FBRSL1: variants seen among roughly 807,000 people sequenced by gnomAD.
FBRSL1 encodes fibrosin-1-like protein.
In FBRSL1, 51 loss-of-function variants were observed where a neutral mutation model predicts 89.6. That is an observed-to-expected ratio of 0.57 (90% CI 0.45 to 0.72). The LOEUF (loss-of-function observed/expected upper bound fraction) is 0.72. FBRSL1 is among the 30% of genes least tolerant of loss of function. The pLI is 0.00. For missense variants in FBRSL1, 1,618 were observed against 1,451.8 expected, an observed-to-expected ratio of 1.11 and a Z score of -1.86; for synonymous variants, 779 against 681.1, an observed-to-expected ratio of 1.14 and a Z score of -2.24.
At chr12:132,567,912 G>A (rs920812758) in intron 6 of FBRSL1, among the ~76,000 whole-genome samples, 2 of 152,182 alleles carry the variant, frequency 1.3e-5, no homozygotes, top group Admixed American at 1.3e-4. Flanking sequence ...CACTTCCCTG[G>A]CTCTGCTGCC....
intron 4 of FBRSL1, among the ~76,000 whole-genome samples, chr12:132,531,629 T>C (rs2036294580): frequency 6.6e-6 from 1 of 152,238 alleles, no homozygotes; most frequent in Non-Finnish European, 1.5e-5. Context: ...CATTGTGTTG[T>C]GCACATGGCG....
chr12:132,536,948 C>T (rs1327542020), intron 4 of FBRSL1, among the ~76,000 whole-genome samples: 1 of 152,208 alleles, frequency 6.6e-6, no homozygotes, highest in Non-Finnish European at 1.5e-5. Flanking sequence ...TTGTGCCATG[C>T]CTGTGTGGTA....
chr12:132,540,835 A>C (rs1343807540), intron 4 of FBRSL1, among the ~76,000 whole-genome samples: 7 of 152,146 alleles, frequency 4.6e-5, no homozygotes, highest in Non-Finnish European at 1.0e-4. Context: ...AGATCCCCAG[A>C]TCCCCAGCTC....
chr12:132,573,049 C>T (rs1392072085), intron 11 of FBRSL1, among the ~76,000 whole-genome samples: 3 of 152,182 alleles, frequency 2.0e-5, no homozygotes, highest in South Asian at 2.1e-4. Flanking sequence ...CTTACGGGGC[C>T]GTCCACACCC....
chr12:132,509,650 G>A (rs1279759969), intron 2 of FBRSL1: 19 of 1,231,818 alleles, frequency 1.5e-5, no homozygotes, highest in South Asian at 8.2e-5. Context: ...CGGCGCCTGC[G>A]GTTCCTCCTG....
intron 4 of FBRSL1, among the ~76,000 whole-genome samples, chr12:132,534,454 C>A (rs927951220): frequency 6.6e-6 from 1 of 152,278 alleles, no homozygotes; most frequent in African/African-American, 2.4e-5. Flanking sequence ...GCACCTGTCG[C>A]ACCCTCTGCC....
intron 2 of FBRSL1, among the ~76,000 whole-genome samples, chr12:132,522,845 G>A (rs185413918): frequency 9.8e-4 from 150 of 152,334 alleles, no homozygotes; most frequent in Non-Finnish European, 1.7e-3. Flanking sequence ...CCCGGCCTGC[G>A]CTGCCTTTCC....
At chr12:132,567,898 G>C (rs938190537) in intron 6 of FBRSL1, among the ~76,000 whole-genome samples, 1 of 152,230 alleles carries the variant, frequency 6.6e-6, no homozygotes, top group Non-Finnish European at 1.5e-5. Context: ...ACGGGACTGA[G>C]ACTCACTTCC....
chr12:132,504,449 G>A (rs1038671968), intron 1 of FBRSL1, among the ~76,000 whole-genome samples: 2 of 152,160 alleles, frequency 1.3e-5, no homozygotes, highest in African/African-American at 4.8e-5. Flanking sequence ...CCTGGGAGAG[G>A]AGCAGGGAGG....
At position 132,525,644 on chromosome 12, in the gene FBRSL1, G is replaced by A. The variant is rs937923472; in HGVS notation, c.490-90G>A. Reference sequence around the variant, plus strand: ...CCTGGGGCCGGGGTGCTGGGGTGCCGGGAGCAGGCATGTAGCCCTAGCCAG... The same window carrying A: ...CCTGGGGCCGGGGTGCTGGGGTGCCAGGAGCAGGCATGTAGCCCTAGCCAG... On this transcript the variant is annotated intron_variant, in intron 2 of 18. Transcript: ENST00000680143. The A allele has an allele frequency of 1.5e-5, 16 of 1,063,354 alleles. No homozygotes were observed. The Admixed American group carries it at 1.5e-4, about 10-fold the overall frequency. The allele number at this position is 1,063,354 out of a possible 1,614,324, so 65.9% of individuals were successfully genotyped here. A position where few individuals can be genotyped will look rare whatever the true frequency, so the allele number is the denominator to read the frequency against.
intron 1 of FBRSL1, among the ~76,000 whole-genome samples, chr12:132,494,423 G>A (rs1306385428): frequency 6.6e-6 from 1 of 152,238 alleles, no homozygotes; most frequent in African/African-American, 2.4e-5. Flanking sequence ...TCAGGCCACA[G>A]AACAGGTTGT....
intron 6 of FBRSL1, 151 bp from the exon 7 acceptor site, chr12:132,569,775 G>A (rs2039881094): frequency 3.7e-6 from 2 of 543,098 alleles, no homozygotes; most frequent in Non-Finnish European, 5.8e-6. Context: ...CTAGCTGTGT[G>A]GCCTCCGTGC....
chr12:132,505,216 CG>C (rs1359841528), intron 1 of FBRSL1, among the ~76,000 whole-genome samples: 1 of 152,212 alleles, frequency 6.6e-6, no homozygotes, highest in African/African-American at 2.4e-5. Context: ...AGTGGGTGAG[CG>C]CGGCCGCTGC....
intron 5 of FBRSL1, among the ~76,000 whole-genome samples, chr12:132,559,241 C>G (rs2038915350): frequency 1.3e-5 from 2 of 152,250 alleles, no homozygotes; most frequent in Admixed American, 1.3e-4. Context: ...CCGTTTGCAG[C>G]TACAGCAGCT....
intron 1 of FBRSL1, among the ~76,000 whole-genome samples, chr12:132,492,238 T>G (rs769749929): frequency 2.6e-5 from 4 of 152,204 alleles, no homozygotes; most frequent in Non-Finnish European, 4.4e-5. Flanking sequence ...TCCGAGCGGG[T>G]CAGCCCTTGT....
At chr12:132,501,532 G>T in intron 1 of FBRSL1, among the ~76,000 whole-genome samples, 1 of 152,160 alleles carries the variant, frequency 6.6e-6, no homozygotes, top group East Asian at 1.9e-4. Flanking sequence ...TGGTTGGTGC[G>T]CTGGGTGCCC....
At chr12:132,535,224 A>G (rs954430185) in intron 4 of FBRSL1, among the ~76,000 whole-genome samples, 1 of 152,256 alleles carries the variant, frequency 6.6e-6, no homozygotes, top group Non-Finnish European at 1.5e-5. Flanking sequence ...CAACACGAGA[A>G]TATATTAATA....
chr12:132,547,300 G>A (rs915734302), intron 4 of FBRSL1, among the ~76,000 whole-genome samples: 14 of 151,426 alleles, frequency 9.2e-5, no homozygotes, highest in South Asian at 4.2e-4. Context: ...TACTGAAAAC[G>A]GAGAACGGAC....
At position 132,546,710 on chromosome 12, in the gene FBRSL1, C is replaced by G. The variant is rs1236050818; in HGVS notation, c.616-1293C>G. Among the ~76,000 whole-genome samples the G allele has an allele frequency of 5.3e-5, 8 of 152,186 alleles. No individual in the cohort carries two copies. The highest frequency in any genetic ancestry group is 1.7e-4 in the African/African-American group (7 of 41,442). ...GGGAGCCTGTCAGCCTCAGGAGACCCCCCCCACAGGCCCACCCCAGCTGCC... is the reference window on the plus strand; with the variant it reads ...GGGAGCCTGTCAGCCTCAGGAGACCGCCCCCACAGGCCCACCCCAGCTGCC... On this transcript the variant is annotated intron_variant, in intron 4 of 18. Coordinates refer to ENST00000680143, the MANE Select transcript of FBRSL1 (RefSeq NM_001367871.1). This position sits in a 1 kb window ranked among gnomAD's most constrained non-coding sequence, Gnocchi z 4.0.
Sources: allele counts gnomAD v4.1 joint callset (sites outside exome capture counted in the v4.1 genomes callset), GRCh38; gene constraint gnomAD v4.1.1; non-coding constraint Gnocchi (gnomAD v3.1); transcripts MANE v1.5; gene names NCBI Gene and HGNC (gene_info 2026-07-23, HGNC 2026-07-21).